RNFT2: variants seen among roughly 807,000 people sequenced by gnomAD.
The protein encoded by RNFT2 is ring finger protein, transmembrane 2, also known as E3 ubiquitin-protein ligase RNFT2.
A neutral mutation model predicts 53.0 loss-of-function variants in RNFT2; 36 were observed. The ratio of observed to expected loss-of-function variants is 0.68; its 90% CI spans 0.52 to 0.90. The LOEUF is 0.90. Among genes scored for constraint, RNFT2 ranks in the 40% least tolerant of loss-of-function variants. The pLI is 0.00. For synonymous variants in RNFT2, 260 were observed against 253.2 expected (o/e 1.03, Z -0.26); for missense variants, 514 against 585.6 (o/e 0.88, Z 1.26).
chr12:116,759,602 T>G (rs1872621275), intron 5 of RNFT2, among the ~76,000 whole-genome samples: 1 of 152,200 alleles, frequency 6.6e-6, no homozygotes, highest in African/African-American at 2.4e-5. Context: ...TGGCTTCCTG[T>G]GAGCCAAACT....
At chr12:116,829,913 C>T (rs75810123) in intron 7 of RNFT2, among the ~76,000 whole-genome samples, 2,604 of 151,970 alleles carry the variant, frequency 0.017, 67 homozygotes, top group African/African-American at 0.059. Flanking sequence ...ATATCACATG[C>T]TCAGTATAAA....
At chr12:116,771,699 G>T (rs1392198233) in intron 6 of RNFT2, among the ~76,000 whole-genome samples, 1 of 152,032 alleles carries the variant, frequency 6.6e-6, no homozygotes, top group East Asian at 1.9e-4. Context: ...CATGTCCCAT[G>T]ATGTGGGCAC....
chr12:116,791,795 G>T (rs1874244330), intron 7 of RNFT2, among the ~76,000 whole-genome samples: 1 of 152,184 alleles, frequency 6.6e-6, no homozygotes, highest in South Asian at 2.1e-4. Context: ...CATAGGCAGA[G>T]AATTCTGGAT....
chr12:116,804,427 A>G (rs961693466), intron 7 of RNFT2, among the ~76,000 whole-genome samples: 1 of 152,200 alleles, frequency 6.6e-6, no homozygotes, highest in Non-Finnish European at 1.5e-5. Flanking sequence ...ATCTTTATTA[A>G]TATGTGTAGC....
At chr12:116,799,896 TTGGAGG>T (rs1874683508) in intron 7 of RNFT2, among the ~76,000 whole-genome samples, 1 of 152,188 alleles carries the variant, frequency 6.6e-6, no homozygotes, top group Non-Finnish European at 1.5e-5. Flanking sequence ...TTCCCCATTG[TTGGAGG>T]TGGCGCTTAG....
In RNFT2 at chr12:116,776,723, T is replaced by C. The variant is rs370115729; in HGVS notation, c.729-2472T>C. Among the ~76,000 whole-genome samples, 8 of 152,190 alleles carry C rather than the reference T, an allele frequency of 5.3e-5. 1 individual carries two copies. In the South Asian group the frequency reaches 1.7e-3, roughly 32 times the overall value. On this transcript the variant is annotated intron_variant, in intron 6 of 10. Transcript: ENST00000257575. The stretch of plus-strand genomic sequence containing the variant: ...AGCATCCATTCTATGCTGAGTGTAC[T>C]TCTCCCTGCTTTGGAGGAGACAGAT...
intron 7 of RNFT2, among the ~76,000 whole-genome samples, chr12:116,810,822 G>A (rs1275924221): frequency 6.6e-6 from 1 of 152,150 alleles, no homozygotes; most frequent in African/African-American, 2.4e-5. Flanking sequence ...GCTTCCATTG[G>A]GGTAGGGGGG....
rs1877998695 is a variant in RNFT2, at chr12:116,852,990, G to A, written c.*3542G>A. On this transcript the variant is annotated 3_prime_UTR_variant, in exon 11 of 11. Transcript: ENST00000257575. ...ACACTGTAAAGAATGTAACATGTGGGGGACACACAGGGGCAGATGGGATGG... is the reference window on the plus strand; with the variant it reads ...ACACTGTAAAGAATGTAACATGTGGAGGACACACAGGGGCAGATGGGATGG... The A allele has an allele frequency of 3.9e-6, 2 of 509,862 alleles. No homozygotes were observed. Among genetic ancestry groups the A allele is most frequent in the Non-Finnish European group, 6.8e-6 (2 of 292,080 alleles). The allele number at this position is 509,862 out of a possible 1,614,324, so 31.6% of individuals were successfully genotyped here. A position where few individuals can be genotyped will look rare whatever the true frequency, so the allele number is the denominator to read the frequency against.
intron 3 of RNFT2, among the ~76,000 whole-genome samples, chr12:116,743,080 C>CAAAAAA (rs10558117): frequency 2.0e-5 from 1 of 49,416 alleles, no homozygotes; most frequent in African/African-American, 8.4e-5. Flanking sequence ...GACCCTATCT[C>CAAAAAA]AAAAAAAAAA....
rs544982619 is a variant in RNFT2, at chr12:116,749,970, G to A, written c.213G>A (p.Ser71=). ...TATCAGGCAGCCTCCCCACCAGCTC[G>A]TTCCCCTCCAGCCTGGTGCTGGGCT... ...SGLSGSLPTS[S]FPSSLVLGSS... is the part of the protein sequence containing the mutation. The change falls in exon 4 of 11, where the codon TCG becomes TCA. Residue 71 remains serine (S), a synonymous_variant. Transcript: ENST00000257575. The A allele has an allele frequency of 1.9e-5, 30 of 1,562,066 alleles. No homozygotes were observed. The highest frequency in any genetic ancestry group is 2.5e-5 in the Non-Finnish European group (29 of 1,153,086).
At chr12:116,739,877 T>C (rs142679592) in intron 1 of RNFT2, among the ~76,000 whole-genome samples, 3 of 152,324 alleles carry the variant, frequency 2.0e-5, no homozygotes, top group Admixed American at 1.3e-4. Flanking sequence ...TCAGGACTCT[T>C]AGTTTGACAA....
chr12:116,851,970 T>C lies in RNFT2; in HGVS notation c.*2522T>C, dbSNP rs1877951287. ...CCTTCAGAGCAAACAGGACAACCTA[T>C]GTTATGGATGTTTCCACCAACCAGG... On this transcript the variant is annotated 3_prime_UTR_variant, in exon 11 of 11. Coordinates refer to ENST00000257575, the MANE Select transcript of RNFT2 (RefSeq NM_001382266.1). 6 of 1,502,282 alleles carry C rather than the reference T, an allele frequency of 4.0e-6. No individual in the cohort carries two copies. The highest frequency in any genetic ancestry group is 5.3e-6 in the Non-Finnish European group (6 of 1,133,106). The allele number at this position is 1,502,282 out of a possible 1,614,324, so 93.1% of individuals were successfully genotyped here. A position where few individuals can be genotyped will look rare whatever the true frequency, so the allele number is the denominator to read the frequency against.
intron 7 of RNFT2, among the ~76,000 whole-genome samples, chr12:116,823,942 A>C (rs1030399254): frequency 6.6e-6 from 1 of 152,158 alleles, no homozygotes; most frequent in African/African-American, 2.4e-5. Context: ...GGATGAAGTG[A>C]CTTGCCCCAG....
intron 7 of RNFT2, among the ~76,000 whole-genome samples, chr12:116,797,904 C>T (rs977368704): frequency 3.9e-5 from 6 of 152,138 alleles, no homozygotes; most frequent in African/African-American, 4.8e-5. Flanking sequence ...TCATGGAAAG[C>T]GGTGGTAACT....
intron 7 of RNFT2, among the ~76,000 whole-genome samples, chr12:116,830,018 G>T (rs1455492598): frequency 6.6e-6 from 1 of 151,452 alleles, no homozygotes; most frequent in East Asian, 1.9e-4. Flanking sequence ...ATGAGCATTT[G>T]CTTGGGTCAA....
intron 7 of RNFT2, among the ~76,000 whole-genome samples, chr12:116,790,785 T>A (rs556051742): frequency 5.9e-5 from 9 of 152,280 alleles, no homozygotes; most frequent in African/African-American, 2.2e-4. Context: ...GGTGAAACCC[T>A]GTCTCCACCA....
chr12:116,827,958 G>A (rs1876429598), intron 7 of RNFT2, among the ~76,000 whole-genome samples: 1 of 152,194 alleles, frequency 6.6e-6, no homozygotes, highest in South Asian at 2.1e-4. Context: ...AGCCAGACTG[G>A]TTGTTGAGAC....
chr12:116,786,403 G>A (rs1039122320), intron 7 of RNFT2, among the ~76,000 whole-genome samples: 1 of 152,080 alleles, frequency 6.6e-6, no homozygotes, highest in Non-Finnish European at 1.5e-5. Flanking sequence ...GAGCCACCGC[G>A]CCCGGCCGAG....
chr12:116,806,108 C>G (rs1875037150), intron 7 of RNFT2, among the ~76,000 whole-genome samples: 1 of 152,100 alleles, frequency 6.6e-6, no homozygotes, highest in Admixed American at 6.6e-5. Flanking sequence ...TGGCTGGGTG[C>G]TGAGGCTCAT....
Sources: gnomAD v4.1 joint callset for allele counts (sites outside exome capture counted in the v4.1 genomes callset) on GRCh38, gnomAD v4.1.1 for gene constraint, MANE v1.5 for transcripts, NCBI Gene and HGNC (gene_info 2026-07-23, HGNC 2026-07-21) for gene names.